The following WWC1 variants were observed in gnomAD, a reference collection of about 807,000 sequenced individuals.
The protein encoded by WWC1 is WW and C2 domain containing 1.
In WWC1, 55 loss-of-function variants were observed where a neutral mutation model predicts 138.4. The ratio of observed to expected loss-of-function variants is 0.40; its 90% confidence interval spans 0.32 to 0.50. The LOEUF (loss-of-function observed/expected upper bound fraction) is 0.50. WWC1 is among the 20% of genes least tolerant of loss of function. WWC1 has a pLI of 0.72. For synonymous variants in WWC1, 524 were observed against 564.9 expected (o/e 0.93, Z 1.03); for missense variants, 1,226 against 1,420.4 (o/e 0.86, Z 2.20).
chr5:168,310,349 C>A (rs1770955585), intron 1 of WWC1, among the ~76,000 whole-genome samples: 1 of 151,336 alleles, frequency 6.6e-6, no homozygotes, highest in Admixed American at 6.6e-5. Flanking sequence ...CTTATTCTTT[C>A]TCTCTGAATA....
Position 168,388,443 on chromosome 5 carries a change from G to A in WWC1, c.433+3029G>A, listed in dbSNP as rs1352552691. Among the ~76,000 whole-genome samples the A allele has an allele frequency of 3.3e-5, 5 of 152,158 alleles. No homozygotes were observed. The East Asian group carries it at 5.8e-4, about 18-fold the overall frequency. On this transcript the variant is annotated intron_variant, in intron 3 of 22. Coordinates refer to ENST00000265293, the MANE Select transcript of WWC1 (RefSeq NM_015238.3). The stretch of plus-strand genomic sequence containing the variant: ...ATAATGGAGTTATGAATATGTAGGA[G>A]AATGTCTACATAGATTTTATGAAGA...
chr5:168,387,189 C>T (rs944586219), intron 3 of WWC1, among the ~76,000 whole-genome samples: 12 of 152,180 alleles, frequency 7.9e-5, no homozygotes, highest in African/African-American at 2.7e-4. Context: ...GTTGTCCCCA[C>T]AGTATTTTCA....
intron 20 of WWC1, among the ~76,000 whole-genome samples, chr5:168,461,882 C>G: frequency 6.6e-6 from 1 of 152,080 alleles, no homozygotes; most frequent in Non-Finnish European, 1.5e-5. Flanking sequence ...CATTGAGAAA[C>G]TCCGTCTCTA....
chr5:168,292,235 C>T lies in WWC1; in HGVS notation c.83C>T (p.Thr28Met). 3 of 1,594,820 alleles carry T rather than the reference C, an allele frequency of 1.9e-6. No homozygotes were observed. Among genetic ancestry groups the T allele is most frequent in the Non-Finnish European group, 2.6e-6 (3 of 1,171,266 alleles). ...FDGKVYYIDH[T>M]NRTTSWIDPR... The stretch of plus-strand genomic sequence containing the variant: ...GGCAAGGTCTACTACATAGACCACA[C>T]GAACCGCACCACCAGCTGGATCGAC... The change falls in exon 1 of 23, where the codon ACG (threonine) becomes ATG (methionine). Residue 28 changes from threonine to methionine, a missense_variant. By Grantham distance (81) the Thr-to-Met change is moderately conservative. Around this residue, in one of 3 missense-constraint regions of WWC1, gnomAD observed 1,016 missense variants for 1,153.9 expected, o/e 0.88. Coordinates refer to ENST00000265293, the MANE Select transcript of WWC1 (RefSeq NM_015238.3). This position sits in a 1 kb window ranked among gnomAD's most constrained non-coding sequence, Gnocchi z 4.4.
chr5:168,321,534 C>CT (rs575822782), intron 1 of WWC1, among the ~76,000 whole-genome samples: 15,746 of 137,744 alleles, frequency 0.11, 1,217 homozygotes, highest in Non-Finnish European at 0.16. Context: ...GGGCAATATC[C>CT]TTTTTTTTTT....
intron 1 of WWC1, among the ~76,000 whole-genome samples, chr5:168,368,043 G>A (rs1776450397): frequency 6.7e-6 from 1 of 150,170 alleles, no homozygotes; most frequent in Non-Finnish European, 1.5e-5. Context: ...TTTTCTCAGA[G>A]TATATTGAGA....
chr5:168,410,640 T>C (rs962844769), intron 8 of WWC1, among the ~76,000 whole-genome samples: 11 of 152,194 alleles, frequency 7.2e-5, no homozygotes, highest in East Asian at 5.8e-4. Flanking sequence ...CTGGCCTTAA[T>C]TGATCCTCCC....
In WWC1 at chr5:168,423,940, T is replaced by C; in HGVS notation, c.1682T>C (p.Phe561Ser). The C allele has an allele frequency of 6.2e-7, 1 of 1,614,180 alleles. No homozygotes were observed. Among genetic ancestry groups the C allele is most frequent in the South Asian group, 1.1e-5 (1 of 91,086 alleles). ...MADPLLAGDA[F>S]LNSLEFEDPE... is the part of the protein sequence containing the mutation. ...GACCCCCTCCTGGCTGGTGATGCCT[T>C]CCTCAACTCCTTGGAGTTTGAAGAC... Residue 561 changes from phenylalanine to serine, a missense_variant, in exon 11 of 23, where the codon TTC becomes TCC. Physicochemically the swap from Phe to Ser is radical, Grantham distance 155. This residue lies in a region of WWC1 where 1,016 missense variants were observed against 1,153.9 expected (regional missense o/e 0.88). Transcript: ENST00000265293.
chr5:168,393,116 A>G (rs547808686), intron 3 of WWC1, among the ~76,000 whole-genome samples: 14 of 151,320 alleles, frequency 9.3e-5, no homozygotes, highest in African/African-American at 2.2e-4. Context: ...AAATAAGAGG[A>G]AAAAAAAATA....
At chr5:168,316,025 G>T (rs1249324762) in intron 1 of WWC1, among the ~76,000 whole-genome samples, 1 of 152,186 alleles carries the variant, frequency 6.6e-6, no homozygotes, top group Admixed American at 6.5e-5. Context: ...TCCCAGGGCT[G>T]ACCCCAAACC....
In WWC1 at chr5:168,454,120, T is replaced by TA; in HGVS notation, c.2658+21dup. On this transcript the variant is annotated intron_variant, in intron 18 of 22. Coordinates refer to ENST00000265293, the MANE Select transcript of WWC1 (RefSeq NM_015238.3). ...TTAAAGGTAGGAAGGGCTGGGGGGA[T>TA]AGAAGGGCTGTCGTGGGGAAGGAAC... 1 of 1,607,496 alleles carries TA rather than the reference T, an allele frequency of 6.2e-7. No individual in the cohort carries two copies. The highest frequency in any genetic ancestry group is 1.1e-5 in the South Asian group (1 of 90,530).
Position 168,454,082 on chromosome 5 carries a change from T to C in WWC1, c.2640T>C (p.Asp880=), listed in dbSNP as rs774679568. The change falls in exon 18 of 23, where the codon GAT becomes GAC. Residue 880 remains aspartate, a synonymous_variant. Transcript: ENST00000265293. ...VFTEKASPDM[D]GYPALKVDKE... is the part of the protein sequence containing the mutation. Reference sequence around the variant, plus strand: ...CCGAGAAAGCCTCACCTGATATGGATGGGTACCCAGCATTAAAGGTAGGAA... The same window carrying C: ...CCGAGAAAGCCTCACCTGATATGGACGGGTACCCAGCATTAAAGGTAGGAA... The C allele has an allele frequency of 6.2e-7, 1 of 1,610,452 alleles. No homozygotes were observed. The highest frequency in any genetic ancestry group is 1.1e-5 in the South Asian group (1 of 90,822).
At chr5:168,369,231 A>C (rs954554244) in intron 1 of WWC1, among the ~76,000 whole-genome samples, 1 of 152,254 alleles carries the variant, frequency 6.6e-6, no homozygotes, top group African/African-American at 2.4e-5. Context: ...CTGTGCTAAA[A>C]GTACTCACAA....
intron 2 of WWC1, among the ~76,000 whole-genome samples, chr5:168,383,237 A>G (rs2010464): frequency 0.51 from 77,762 of 151,500 alleles, 20,570 homozygotes; most frequent in African/African-American, 0.62. Context: ...ATGAAAACTG[A>G]TCCTAGGCAA....
intron 1 of WWC1, among the ~76,000 whole-genome samples, chr5:168,297,645 AAAG>A (rs1244835304): frequency 1.3e-5 from 2 of 151,650 alleles, no homozygotes; most frequent in Non-Finnish European, 2.9e-5. Flanking sequence ...AAAAAAAAAA[AAAG>A]AAATTGAGAA....
chr5:168,411,872 T>TATGGTC, intron 8 of WWC1: 1 of 628,238 alleles, frequency 1.6e-6, no homozygotes, highest in Non-Finnish European at 2.0e-6. Flanking sequence ...AAGTCAGCTG[T>TATGGTC]ATGGGAACCA....
chr5:168,308,518 T>G (rs1475059567), intron 1 of WWC1, among the ~76,000 whole-genome samples: 1 of 152,200 alleles, frequency 6.6e-6, no homozygotes, highest in East Asian at 1.9e-4. Context: ...GGCACTTTAT[T>G]GGCAACAAGC....
At chr5:168,392,266 C>T (rs1778566077) in intron 3 of WWC1, among the ~76,000 whole-genome samples, 1 of 152,112 alleles carries the variant, frequency 6.6e-6, no homozygotes, top group African/African-American at 2.4e-5. Flanking sequence ...AGAACAGTGC[C>T]AGGTCATTAC....
intron 3 of WWC1, among the ~76,000 whole-genome samples, chr5:168,390,785 T>C (rs1450467657): frequency 2.0e-5 from 3 of 152,274 alleles, no homozygotes; most frequent in Non-Finnish European, 4.4e-5. Flanking sequence ...GAGACTTTGC[T>C]GTCGACTCGC....
Sources: gnomAD v4.1 joint callset for allele counts (sites outside exome capture counted in the v4.1 genomes callset) on GRCh38, gnomAD v4.1.1 for gene constraint, gnomAD v4.1.1 regional missense constraint, Gnocchi (gnomAD v3.1) non-coding constraint, MANE v1.5 for transcripts, NCBI Gene and HGNC (gene_info 2026-07-23, HGNC 2026-07-21) for gene names.